Variants in SPATA13 observed in about 807,000 individuals in gnomAD.
SPATA13 encodes spermatogenesis-associated protein 13.
Under a neutral mutation model 104.0 loss-of-function variants are expected in SPATA13, and 50 were observed. That is an observed-to-expected ratio of 0.48 (90% confidence interval 0.38 to 0.61). SPATA13 has a LOEUF of 0.61. SPATA13 is among the 20% of genes least tolerant of loss of function. SPATA13 has a pLI of 0.00. For synonymous variants in SPATA13, 606 were observed against 667.5 expected (o/e 0.91, Z 1.42); for missense variants, 1,524 against 1,690.6 (o/e 0.90, Z 1.73).
chr13:24,193,757 G>C (rs1453114320), intron 1 of SPATA13, among the ~76,000 whole-genome samples: 2 of 152,202 alleles, frequency 1.3e-5, no homozygotes, highest in African/African-American at 4.8e-5. Context: ...GGAAGAAGTA[G>C]GGTTAGTGTG....
At chr13:24,179,691 A>T (rs1408076450) in intron 1 of SPATA13, among the ~76,000 whole-genome samples, 3 of 152,074 alleles carry the variant, frequency 2.0e-5, no homozygotes, top group Non-Finnish European at 4.4e-5. Context: ...TGCTTTATTG[A>T]TTCTAGCCAG....
At chr13:23,991,931 A>T (rs908577302) in intron 2 of SPATA13, among the ~76,000 whole-genome samples, 1 of 152,220 alleles carries the variant, frequency 6.6e-6, no homozygotes, top group Non-Finnish European at 1.5e-5. Flanking sequence ...AGCCACCCCA[A>T]ATGGGAAGAG....
intron 3 of SPATA13, among the ~76,000 whole-genome samples, chr13:24,112,343 C>T (rs1880668075): frequency 1.3e-5 from 2 of 152,162 alleles, no homozygotes; most frequent in Non-Finnish European, 2.9e-5. Flanking sequence ...GTTGCCCCTA[C>T]AGCACCTTCT....
chr13:24,026,261 C>T (rs1020626907), intron 3 of SPATA13, among the ~76,000 whole-genome samples: 1 of 152,156 alleles, frequency 6.6e-6, no homozygotes, highest in South Asian at 2.1e-4. Flanking sequence ...GAAATCCTTT[C>T]CTATTTAAAA....
chr13:24,116,696 T>C (rs1041777235), intron 3 of SPATA13, among the ~76,000 whole-genome samples: 3 of 152,130 alleles, frequency 2.0e-5, no homozygotes, highest in Non-Finnish European at 4.4e-5. Context: ...CAATCATCTC[T>C]GCAGCATTAG....
At chr13:24,253,694 T>C (rs1873629675) in intron 4 of SPATA13, among the ~76,000 whole-genome samples, 1 of 151,806 alleles carries the variant, frequency 6.6e-6, no homozygotes, top group African/African-American at 2.4e-5. Context: ...GTGGGGGAGA[T>C]AGCCTCCTCT....
intron 3 of SPATA13, among the ~76,000 whole-genome samples, chr13:24,084,178 A>T (rs749700905): frequency 4.6e-5 from 7 of 152,214 alleles, no homozygotes; most frequent in Non-Finnish European, 8.8e-5. Flanking sequence ...AACAAGCGAG[A>T]CGAGAGAAGA....
Position 24,218,647 on chromosome 13 carries a change from C to G in SPATA13, c.-111-4172C>G, listed in dbSNP as rs1238896499. On this transcript the variant is annotated intron_variant, in intron 1 of 12. Transcript: ENST00000382108. ...AGTGGGCCGCAGGCTGCATGTGGCC[C>G]AGGGAAGCTTTGAATGTGGCCCAAC... 4.6e-5 allele frequency among the ~76,000 whole-genome samples: 7 copies of G among 151,972 alleles called. No homozygotes were observed. The South Asian group carries it at 1.5e-3, about 32-fold the overall frequency.
chr13:24,109,844 G>A (rs1880579317), intron 3 of SPATA13, among the ~76,000 whole-genome samples: 1 of 151,786 alleles, frequency 6.6e-6, no homozygotes, highest in Non-Finnish European at 1.5e-5. Context: ...AATATCACCT[G>A]TGCCCATCAC....
intron 3 of SPATA13, among the ~76,000 whole-genome samples, chr13:24,120,562 G>C (rs9553186): frequency 0.19 from 29,099 of 152,098 alleles, 4,536 homozygotes; most frequent in African/African-American, 0.41. Context: ...CCTGGCCTTG[G>C]GTGAGCCACT....
rs143163814 is a variant in SPATA13 at position 24,039,682 on chromosome 13, G to A, written c.-112+21981G>A. 5.0e-3 allele frequency among the ~76,000 whole-genome samples: 756 copies of A among 152,204 alleles called. 9 individuals are homozygous for A. Among genetic ancestry groups the A allele is most frequent in the Non-Finnish European group, 3.5e-3 (240 of 68,018 alleles). On this transcript the variant is annotated intron_variant, in intron 3 of 14. Transcript: ENST00000424834. ...TGGACTGGAGGGGTCCATAGGTTGTGAGTTTCTTTTTCTGCCTTTTGTAAG... is the reference window on the plus strand; with the variant it reads ...TGGACTGGAGGGGTCCATAGGTTGTAAGTTTCTTTTTCTGCCTTTTGTAAG...
At chr13:24,076,138 G>A (rs1279388710) in intron 3 of SPATA13, among the ~76,000 whole-genome samples, 1 of 152,178 alleles carries the variant, frequency 6.6e-6, no homozygotes, top group Non-Finnish European at 1.5e-5. Context: ...CACCACTGAT[G>A]TGCATTCTTG....
intron 3 of SPATA13, among the ~76,000 whole-genome samples, chr13:24,111,605 C>T (rs1400336274): frequency 2.0e-5 from 3 of 152,102 alleles, no homozygotes; most frequent in African/African-American, 4.8e-5. Context: ...GGGTTTTCAC[C>T]GTGTTGCACA....
chr13:24,093,724 A>G lies in SPATA13; in HGVS notation c.-112+76023A>G, dbSNP rs543214497. Among the ~76,000 whole-genome samples the G allele has an allele frequency of 7.0e-4, 106 of 152,306 alleles. 2 individuals carry two copies. The South Asian group carries it at 0.022, about 31-fold the overall frequency. On this transcript the variant is annotated intron_variant, in intron 3 of 14. Transcript: ENST00000424834. ...TATTTTCTATTTATTTTAATGTTAC[A>G]ATTTTATGAAAAGCTTGGTTGCTTT...
At position 24,306,112 on chromosome 13, in the gene SPATA13, C is replaced by G. The variant is rs1877561270; in HGVS notation, c.*3339C>G. On this transcript the variant is annotated 3_prime_UTR_variant, in exon 13 of 13. Transcript: ENST00000382108. ...TTCTGAATATTGTGCCTTTTTATAC[C>G]TAGCCTAGATGAAAACCGATGCCAT... The G allele has an allele frequency of 6.6e-6, 1 of 152,174 alleles. No individual in the cohort carries two copies. Among genetic ancestry groups the G allele is most frequent in the African/African-American group, 2.4e-5 (1 of 41,438 alleles). 9.4% of individuals were successfully genotyped at this position (152,174 alleles called of 1,614,324 possible).
chr13:24,023,938 CAA>C (rs1213624126), intron 3 of SPATA13, among the ~76,000 whole-genome samples: 2 of 152,314 alleles, frequency 1.3e-5, no homozygotes, highest in East Asian at 3.9e-4. Context: ...CAGCAGGAAA[CAA>C]ATGCATGTGG....
intron 3 of SPATA13, among the ~76,000 whole-genome samples, chr13:24,055,685 C>T (rs958385570): frequency 2.0e-5 from 3 of 152,178 alleles, no homozygotes. Context: ...TCGCCAGGTG[C>T]CTTTGGCTAA....
intron 4 of SPATA13, among the ~76,000 whole-genome samples, chr13:24,279,520 G>A (rs999021518): frequency 8.5e-5 from 13 of 152,168 alleles, no homozygotes; most frequent in Non-Finnish European, 1.9e-4. Context: ...AGCTGGATGG[G>A]AACCCAGGCT....
At chr13:24,107,544 T>C (rs1880493563) in intron 3 of SPATA13, among the ~76,000 whole-genome samples, 1 of 152,194 alleles carries the variant, frequency 6.6e-6, no homozygotes, top group Non-Finnish European at 1.5e-5. Flanking sequence ...TTTATGGACA[T>C]TCATAGAGAA....
Sources: gnomAD v4.1 joint callset for allele counts (sites outside exome capture counted in the v4.1 genomes callset) on GRCh38, gnomAD v4.1.1 for gene constraint, MANE v1.5 for transcripts, NCBI Gene and HGNC (gene_info 2026-07-23, HGNC 2026-07-21) for gene names.